CSMD2: variants seen among roughly 807,000 people sequenced by gnomAD.
CSMD2 encodes the protein CUB and Sushi multiple domains 2.
CSMD2 carries 130 observed loss-of-function variants against 398.5 expected under a neutral mutation model. The ratio of observed to expected loss-of-function variants is 0.33; its 90% CI spans 0.28 to 0.38. The LOEUF (loss-of-function observed/expected upper bound fraction) is 0.38, where lower values mean the gene tolerates loss of function less well. CSMD2 is among the 10% of genes least tolerant of loss of function. The probability of loss-of-function intolerance (pLI) is 1.00; values close to 1 mark genes in which losing one functional copy is unlikely to be tolerated. For synonymous variants in CSMD2, 1,828 were observed against 1,908.5 expected, an observed-to-expected ratio of 0.96 and a Z score of 1.10; for missense variants, 3,829 against 4,764.9, an observed-to-expected ratio of 0.80 and a Z score of 5.78.
At chr1:33,993,406 G>A (rs1646625278) in intron 3 of CSMD2, among the ~76,000 whole-genome samples, 1 of 152,120 alleles carries the variant, frequency 6.6e-6, no homozygotes, top group Admixed American at 6.6e-5. Flanking sequence ...TAATGCCACT[G>A]ATTTCCACTT....
chr1:33,660,884 G>C (rs1287740750), intron 26 of CSMD2, among the ~76,000 whole-genome samples: 1 of 152,184 alleles, frequency 6.6e-6, no homozygotes, highest in Admixed American at 6.5e-5. Context: ...GCTTTTAGTG[G>C]GATGTCAAGT....
intron 3 of CSMD2, among the ~76,000 whole-genome samples, chr1:34,001,030 G>A (rs1646885311): frequency 6.7e-6 from 1 of 149,916 alleles, no homozygotes; most frequent in Non-Finnish European, 1.5e-5. Context: ...AGGAAAAAGA[G>A]GAGGGAGAGG....
chr1:33,901,664 T>C (rs1642766461), intron 5 of CSMD2, among the ~76,000 whole-genome samples: 1 of 152,162 alleles, frequency 6.6e-6, no homozygotes, highest in South Asian at 2.1e-4. Context: ...CTTTAGCAGC[T>C]CCTTGAAAGG....
At chr1:33,679,985 A>G (rs1644851045) in intron 25 of CSMD2, among the ~76,000 whole-genome samples, 1 of 151,472 alleles carries the variant, frequency 6.6e-6, no homozygotes, top group East Asian at 1.9e-4. Context: ...CAGTGGCACA[A>G]TCTCAGCTCA....
Position 34,163,964 on chromosome 1 carries a change from G to A in CSMD2, c.187+947C>T, listed in dbSNP as rs991611239. On this transcript the variant is annotated intron_variant, in intron 1 of 70. Transcript: ENST00000373381. This position sits in a 1 kb window ranked among gnomAD's most constrained non-coding sequence, Gnocchi z 5.4. ...GGTTCGCGTACCTCCCCCGCGCGCTGCAAGCTGCAGCCAGACACCCGCGAA... is the reference window on the plus strand; with the variant it reads ...GGTTCGCGTACCTCCCCCGCGCGCTACAAGCTGCAGCCAGACACCCGCGAA... Among the ~76,000 whole-genome samples, 14 of 152,132 alleles carry A rather than the reference G, an allele frequency of 9.2e-5. No homozygotes were observed. Among genetic ancestry groups the A allele is most frequent in the African/African-American group, 3.4e-4 (14 of 41,446 alleles).
At chr1:33,609,227 G>A (rs747002335) in intron 41 of CSMD2, among the ~76,000 whole-genome samples, 1 of 138,862 alleles carries the variant, frequency 7.2e-6, no homozygotes, top group Non-Finnish European at 1.5e-5. Flanking sequence ...GATGGACCCC[G>A]GAACCCTGAA....
chr1:34,038,586 G>A (rs936675876), intron 2 of CSMD2, among the ~76,000 whole-genome samples: 3 of 152,104 alleles, frequency 2.0e-5, no homozygotes, highest in Non-Finnish European at 4.4e-5. Context: ...TCTACCCACA[G>A]CCTCCCACTG....
At chr1:33,955,778 G>A (rs1225910690) in intron 3 of CSMD2, among the ~76,000 whole-genome samples, 1 of 113,870 alleles carries the variant, frequency 8.8e-6, no homozygotes, top group Non-Finnish European at 2.0e-5. Flanking sequence ...CTATTGGGTT[G>A]CTTTGTATAT....
chr1:34,086,036 G>A (rs1972829), intron 2 of CSMD2, among the ~76,000 whole-genome samples: 52,512 of 142,346 alleles, frequency 0.37, 9,927 homozygotes, highest in African/African-American at 0.49. Flanking sequence ...AAAAAAAAAA[G>A]AAAGAAAGAA....
intron 6 of CSMD2, among the ~76,000 whole-genome samples, chr1:33,835,997 T>C (rs1183821065): frequency 6.6e-6 from 1 of 152,228 alleles, no homozygotes; most frequent in East Asian, 1.9e-4. Context: ...TGTGGTTTTA[T>C]CTACCTTTGG....
At chr1:34,106,703 C>A (rs1238713199) in intron 1 of CSMD2, among the ~76,000 whole-genome samples, 1 of 152,158 alleles carries the variant, frequency 6.6e-6, no homozygotes, top group Non-Finnish European at 1.5e-5. Flanking sequence ...CAAAACGGGT[C>A]TCCTTTTTCC....
chr1:33,954,367 C>T (rs1292598938), intron 3 of CSMD2, among the ~76,000 whole-genome samples: 2 of 151,620 alleles, frequency 1.3e-5, no homozygotes, highest in Admixed American at 1.3e-4. Flanking sequence ...CTAGTGGAGG[C>T]CAAGTGAGGG....
rs1029645499 is a variant in CSMD2 at position 33,614,457 on chromosome 1, G to C, written c.6133+47C>G. Reference sequence around the variant, plus strand: ...TGGCGGACAGTAGTTTTAAGCTCAAGGGTCTGGGCTTGAAGCCTGTCTCCT... The same window carrying C: ...TGGCGGACAGTAGTTTTAAGCTCAACGGTCTGGGCTTGAAGCCTGTCTCCT... On this transcript the variant is annotated intron_variant, in intron 40 of 70. Coordinates refer to ENST00000373381, the MANE Select transcript of CSMD2 (RefSeq NM_001281956.2). The C allele has an allele frequency of 4.5e-6, 5 of 1,121,268 alleles. 1 individual carries two copies. The highest frequency in any genetic ancestry group is 3.8e-5 in the South Asian group (3 of 79,380). The allele number at this position is 1,121,268 out of a possible 1,614,324, so 69.5% of individuals were successfully genotyped here.
At chr1:33,881,102 C>T (rs938537092) in intron 5 of CSMD2, among the ~76,000 whole-genome samples, 5 of 152,140 alleles carry the variant, frequency 3.3e-5, no homozygotes, top group South Asian at 2.1e-4. Context: ...CAACACATTA[C>T]GCAGGGAGAA....
intron 5 of CSMD2, among the ~76,000 whole-genome samples, chr1:33,899,547 T>C (rs1642615632): frequency 6.6e-6 from 1 of 151,910 alleles, no homozygotes; most frequent in South Asian, 2.1e-4. Flanking sequence ...ATGTCGTTGG[T>C]ACCCTACACA....
chr1:33,728,924 G>T (rs1192601176), intron 15 of CSMD2, among the ~76,000 whole-genome samples: 1 of 152,156 alleles, frequency 6.6e-6, no homozygotes, highest in Non-Finnish European at 1.5e-5. Flanking sequence ...GGTAACCCCA[G>T]TTTTCAAAAC....
At chr1:33,874,256 T>C (rs765798171) in intron 5 of CSMD2, among the ~76,000 whole-genome samples, 1 of 152,246 alleles carries the variant, frequency 6.6e-6, no homozygotes, top group Admixed American at 6.5e-5. Flanking sequence ...AAATAATTCA[T>C]TGCAGGATTT....
intron 5 of CSMD2, among the ~76,000 whole-genome samples, chr1:33,865,534 A>C (rs574462855): frequency 9.2e-5 from 14 of 152,048 alleles, no homozygotes; most frequent in Non-Finnish European, 2.1e-4. Flanking sequence ...CCAAGGCTGG[A>C]TAAGAGGGCA....
chr1:34,034,779 A>G (rs1302539436), intron 2 of CSMD2, among the ~76,000 whole-genome samples: 2 of 152,224 alleles, frequency 1.3e-5, no homozygotes, highest in East Asian at 3.8e-4. Flanking sequence ...CTACATGAAA[A>G]TTAAAAGCAT....
Sources: gnomAD v4.1 joint callset for allele counts (sites outside exome capture counted in the v4.1 genomes callset) on GRCh38, gnomAD v4.1.1 for gene constraint, Gnocchi (gnomAD v3.1) non-coding constraint, MANE v1.5 for transcripts, NCBI Gene and HGNC (gene_info 2026-07-23, HGNC 2026-07-21) for gene names.